The following ZMYM2 variants were observed in gnomAD, a reference collection of about 807,000 sequenced individuals.
ZMYM2 encodes the protein zinc finger MYM-type protein 2.
ZMYM2 carries 56 observed loss-of-function variants against 162.8 expected under a neutral mutation model. The ratio of observed to expected loss-of-function variants is 0.34; its 90% CI spans 0.28 to 0.43. The LOEUF (loss-of-function observed/expected upper bound fraction) is 0.43, where lower values mean the gene tolerates loss of function less well. Ranked by LOEUF, ZMYM2 falls within the 20% of genes least tolerant of loss-of-function variation. ZMYM2 has a pLI of 1.00. For missense variants in ZMYM2, 1,275 were observed against 1,621.8 expected, an observed-to-expected ratio of 0.79 and a Z score of 3.67; for synonymous variants, 510 against 541.6, an observed-to-expected ratio of 0.94 and a Z score of 0.81.
chr13:20,049,542 T>G (rs1955124740), intron 12 of ZMYM2, among the ~76,000 whole-genome samples: 1 of 152,072 alleles, frequency 6.6e-6, no homozygotes, highest in African/African-American at 2.4e-5. Flanking sequence ...AGCATTTTAT[T>G]TGTATTGTGT....
chr13:19,944,274 A>C, the ZMYM2 span, among the ~76,000 whole-genome samples: 127,817 of 151,988 alleles, frequency 0.84, 54,861 homozygotes, highest in Non-Finnish European at 0.92. Flanking sequence ...TAAAAGTAGC[A>C]GTTAATGTGA....
upstream of ZMYM2, among the ~76,000 whole-genome samples, chr13:19,957,435 G>A (rs2138961324): frequency 6.6e-6 from 1 of 152,364 alleles, no homozygotes; most frequent in South Asian, 2.1e-4. Flanking sequence ...AAGCGACATC[G>A]CTTCCATCTT....
chr13:19,981,999 C>T (rs959684083), intron 2 of ZMYM2, among the ~76,000 whole-genome samples: 1 of 152,090 alleles, frequency 6.6e-6, no homozygotes, highest in Non-Finnish European at 1.5e-5. Context: ...ATCATGTTTC[C>T]AGAAAGAGCC....
At chr13:19,991,251 C>G (rs1949598341) in intron 2 of ZMYM2, among the ~76,000 whole-genome samples, 1 of 151,850 alleles carries the variant, frequency 6.6e-6, no homozygotes, top group Non-Finnish European at 1.5e-5. Context: ...GTAGCCAGGA[C>G]TACAGATGTG....
At chr13:19,919,924 C>T in the ZMYM2 span, among the ~76,000 whole-genome samples, 1 of 152,100 alleles carries the variant, frequency 6.6e-6, no homozygotes, top group Non-Finnish European at 1.5e-5. Flanking sequence ...CTGCCTGCCT[C>T]AGCCTCCCAA....
chr13:20,025,402 T>A, intron 7 of ZMYM2: 1 of 178,340 alleles, frequency 5.6e-6, no homozygotes, highest in East Asian at 9.4e-5. Context: ...TATTTCTACC[T>A]TTTTTTTCTT....
the ZMYM2 span, among the ~76,000 whole-genome samples, chr13:19,874,510 G>C: frequency 6.6e-6 from 1 of 152,182 alleles, no homozygotes; most frequent in Non-Finnish European, 1.5e-5. Flanking sequence ...TGGGATTAGA[G>C]ATGTGATCCA....
At chr13:19,910,813 T>C in the ZMYM2 span, among the ~76,000 whole-genome samples, 1 of 152,044 alleles carries the variant, frequency 6.6e-6, no homozygotes, top group African/African-American at 2.4e-5. Flanking sequence ...AGGTGCAAGG[T>C]GGATGTGGTT....
intron 14 of ZMYM2, among the ~76,000 whole-genome samples, chr13:20,054,505 A>AT (rs1055819518): frequency 6.6e-6 from 1 of 152,192 alleles, no homozygotes; most frequent in Non-Finnish European, 1.5e-5. Context: ...ATGCAATAAG[A>AT]TTTGGTGCTT....
chr13:20,012,591 A>AC (rs1338299083), intron 6 of ZMYM2, among the ~76,000 whole-genome samples: 2 of 152,152 alleles, frequency 1.3e-5, no homozygotes, highest in African/African-American at 4.8e-5. Flanking sequence ...AGTTTCCTCT[A>AC]AGAGTTGTAT....
At chr13:20,016,551 C>T (rs1439778175) in intron 6 of ZMYM2, among the ~76,000 whole-genome samples, 3 of 152,128 alleles carry the variant, frequency 2.0e-5, no homozygotes, top group Admixed American at 6.5e-5. Flanking sequence ...CAACAAACTC[C>T]CTCCACCTTT....
At chr13:20,015,212 T>C (rs1386169707) in intron 6 of ZMYM2, among the ~76,000 whole-genome samples, 1 of 152,240 alleles carries the variant, frequency 6.6e-6, no homozygotes, top group African/African-American at 2.4e-5. Context: ...ATTTCTTCTT[T>C]GAGCCATGTT....
chr13:20,032,394 T>G (rs1953246923), intron 10 of ZMYM2, among the ~76,000 whole-genome samples: 2 of 151,682 alleles, frequency 1.3e-5, no homozygotes, highest in South Asian at 4.2e-4. Context: ...CTTTGGCCAT[T>G]GTTTCTTTTC....
At chr13:19,980,888 G>C (rs1375275371) in intron 2 of ZMYM2, among the ~76,000 whole-genome samples, 1 of 151,664 alleles carries the variant, frequency 6.6e-6, no homozygotes, top group Non-Finnish European at 1.5e-5. Flanking sequence ...AGATAATTTA[G>C]GGAAAATTGA....
At chr13:20,037,343 G>A (rs539941658) in intron 12 of ZMYM2, among the ~76,000 whole-genome samples, 1 of 149,116 alleles carries the variant, frequency 6.7e-6, no homozygotes, top group Admixed American at 6.8e-5. Context: ...AGCCTCCCAA[G>A]TAGCTGGGAT....
chr13:20,083,105 C>T (rs932997471), intron 23 of ZMYM2, 73 bp downstream of exon 23: 5 of 1,428,450 alleles, frequency 3.5e-6, no homozygotes, highest in African/African-American at 1.4e-5. Context: ...TCTTGTTGCC[C>T]AGGCTGGAGT....
At chr13:19,898,096 C>CAAG in the ZMYM2 span, among the ~76,000 whole-genome samples, 345 of 152,234 alleles carry the variant, frequency 2.3e-3, 1 homozygote, top group African/African-American at 7.7e-3. Flanking sequence ...CATGTTAGTT[C>CAAG]ACAAAACATG....
chr13:20,017,081 TTGGTAAAAGCTCTGACTTTCTGCTGG>T (rs749152447), intron 6 of ZMYM2, among the ~76,000 whole-genome samples: 5 of 152,196 alleles, frequency 3.3e-5, no homozygotes, highest in Non-Finnish European at 5.9e-5. Flanking sequence ...CTGCAAATTG[TTGGTAAAAGCTCTGACTTTCTGCTGG>T]GTCAGACCAC....
chr13:19,947,451 CT>C, the ZMYM2 span, among the ~76,000 whole-genome samples: 105,796 of 130,058 alleles, frequency 0.81, 43,427 homozygotes, highest in East Asian at 0.96. Flanking sequence ...TCTTCTTCGT[CT>C]TTTTTTTTTT....
Sources: gnomAD v4.1 joint callset for allele counts (sites outside exome capture counted in the v4.1 genomes callset) on GRCh38, gnomAD v4.1.1 for gene constraint, MANE v1.5 for transcripts, NCBI Gene and HGNC (gene_info 2026-07-23, HGNC 2026-07-21) for gene names.